Variants in KRR1 observed in about 807,000 individuals in gnomAD.
The protein encoded by KRR1 is KRR1 small subunit processome component homolog.
A neutral mutation model predicts 50.0 loss-of-function variants in KRR1; 23 were observed. The observed-to-expected ratio is 0.46, with a 90% CI of 0.33 to 0.65. The LOEUF (loss-of-function observed/expected upper bound fraction) is 0.65. KRR1 is among the 30% of genes least tolerant of loss of function. The pLI, the probability that KRR1 is intolerant of heterozygous loss-of-function variation, is 0.02. For missense variants in KRR1, 419 were observed against 442.4 expected, an observed-to-expected ratio of 0.95 and a Z score of 0.47; for synonymous variants, 133 against 146.3, an observed-to-expected ratio of 0.91 and a Z score of 0.66.
chr12:75,502,296 T>G (rs116960901), intron 7 of KRR1: 2 of 251,072 alleles, frequency 8.0e-6, no homozygotes, highest in Non-Finnish European at 1.5e-5. Flanking sequence ...TGGGGAAAAT[T>G]TGAAGAAGCT....
intron 7 of KRR1, 167 bp from the exon 8 acceptor site, chr12:75,502,167 A>C: frequency 1.7e-6 from 1 of 587,810 alleles, no homozygotes. Flanking sequence ...GGGAATACAT[A>C]CACAAAAGTG....
chr12:75,510,295 A>G (rs1736356095), intron 1 of KRR1, among the ~76,000 whole-genome samples: 1 of 152,218 alleles, frequency 6.6e-6, no homozygotes, highest in Non-Finnish European at 1.5e-5. Context: ...ACCTAGAGAA[A>G]CCCTTGAACA....
At chr12:75,500,165 A>ATACTT in intron 9 of KRR1, 1 of 354,920 alleles carries the variant, frequency 2.8e-6, no homozygotes, top group South Asian at 6.1e-5. Context: ...AAATCATAAA[A>ATACTT]TACTTTATAT....
rs2046338026 is a variant in KRR1 at position 75,494,217 on chromosome 12, C to T, written c.*5592G>A. The T allele has an allele frequency of 6.6e-6, 1 of 152,162 alleles. No individual in the cohort carries two copies. The highest frequency in any genetic ancestry group is 2.4e-5 in the African/African-American group (1 of 41,436). 9.4% of individuals were successfully genotyped at this position (152,162 alleles called of 1,614,324 possible). A position where few individuals can be genotyped will look rare whatever the true frequency, so the allele number is the denominator to read the frequency against. On this transcript the variant is annotated 3_prime_UTR_variant, in exon 10 of 10. Transcript: ENST00000229214. Reference sequence around the variant, plus strand: ...GTGTGTCTAAGGTGAGAGTTCTCAACTTTGGAGGTAATTGTAGAGTGCTGG... The same window carrying T: ...GTGTGTCTAAGGTGAGAGTTCTCAATTTTGGAGGTAATTGTAGAGTGCTGG...
Position 75,499,389 on chromosome 12 carries a change from T to A in KRR1, c.*420A>T, listed in dbSNP as rs1218278999. 6.2e-6 allele frequency: 1 copy of A among 161,196 alleles called. No individual in the cohort carries two copies. Among genetic ancestry groups the A allele is most frequent in the Non-Finnish European group, 1.3e-5 (1 of 74,796 alleles). The allele number at this position is 161,196 out of a possible 1,614,324, so 10.0% of individuals were successfully genotyped here. A position where few individuals can be genotyped will look rare whatever the true frequency, so the allele number is the denominator to read the frequency against. On this transcript the variant is annotated 3_prime_UTR_variant, in exon 10 of 10. Coordinates refer to ENST00000229214, the MANE Select transcript of KRR1 (RefSeq NM_007043.7). ...TTTTTGGTTTACTACTTCCCCAGAT[T>A]CAGAACAGAGGAGTAACTAGGGGAT...
chr12:75,509,586 C>CTTTT (rs895198427), intron 1 of KRR1, among the ~76,000 whole-genome samples: 1 of 131,252 alleles, frequency 7.6e-6, no homozygotes, highest in Non-Finnish European at 1.6e-5. Context: ...ATACACATTT[C>CTTTT]TTTTTTTTTT....
rs1274145757 is a variant in KRR1, at chr12:75,498,045, A to T, written c.*1764T>A. On this transcript the variant is annotated 3_prime_UTR_variant, in exon 10 of 10. Transcript: ENST00000229214. ...TCACCAGTACCCAGAGGACCAGATG[A>T]TTGATGGGTTCTACCACGAGCATCT... 1.3e-5 allele frequency: 2 copies of T among 152,290 alleles called. No individual in the cohort carries two copies. The highest frequency in any genetic ancestry group is 2.9e-5 in the Non-Finnish European group (2 of 68,114). 9.4% of individuals were successfully genotyped at this position (152,290 alleles called of 1,614,324 possible).
chr12:75,504,337 TA>T, intron 6 of KRR1: 1 of 228,566 alleles, frequency 4.4e-6, no homozygotes, highest in Non-Finnish European at 8.5e-6. Flanking sequence ...ATTATTTCAT[TA>T]AAACATTTAA....
Position 75,509,988 on chromosome 12 carries a change from A to G in KRR1, c.85+1525T>C, listed in dbSNP as rs763003341. Reference sequence around the variant, plus strand: ...TCCCCACTACAACCTCAGGAAAAAAACTGACAAAAGAAATACTCAGGAGTT... The same window carrying G: ...TCCCCACTACAACCTCAGGAAAAAAGCTGACAAAAGAAATACTCAGGAGTT... On this transcript the variant is annotated intron_variant, in intron 1 of 9. Coordinates refer to ENST00000229214, the MANE Select transcript of KRR1 (RefSeq NM_007043.7). Among the ~76,000 whole-genome samples, 12 of 152,238 alleles carry G rather than the reference A, an allele frequency of 7.9e-5. No homozygotes were observed. In the South Asian group the frequency reaches 8.3e-4, roughly 11 times the overall value.
Position 75,493,281 on chromosome 12 carries a change from GTCC to G in KRR1, c.*6525_*6527del, listed in dbSNP as rs1487550114. 4 of 152,166 alleles carry G rather than the reference GTCC, an allele frequency of 2.6e-5. No homozygotes were observed. The highest frequency in any genetic ancestry group is 4.4e-5 in the Non-Finnish European group (3 of 68,032). 9.4% of individuals were successfully genotyped at this position (152,166 alleles called of 1,614,324 possible). On this transcript the variant is annotated 3_prime_UTR_variant, in exon 10 of 10. Coordinates refer to ENST00000229214, the MANE Select transcript of KRR1 (RefSeq NM_007043.7). ...TAAAACAGAGAGACCAGTTAGGAAT[GTCC>G]TCATTTCCCTTTGCCCTCTGCCCTC...
At chr12:75,504,253 G>C in intron 6 of KRR1, 179 bp from the exon 7 acceptor site, 1 of 391,538 alleles carries the variant, frequency 2.6e-6, no homozygotes. Context: ...ATAATTATTA[G>C]AAAACCATTA....
rs778032105 is a variant in KRR1, at chr12:75,501,903, C to T, written c.909+20G>A. 1.1e-5 allele frequency: 17 copies of T among 1,605,608 alleles called. No homozygotes were observed. The South Asian group carries it at 1.3e-4, about 12-fold the overall frequency. On this transcript the variant is annotated intron_variant, in intron 8 of 9. Transcript: ENST00000229214. ...CTATGAACTTTGCTATTCATGTGAG[C>T]CAGACATAAAGTGCCGTACCTTTAT... is the stretch of plus-strand genomic sequence containing the variant.
In KRR1 at chr12:75,499,226, CTTCTAA is replaced by C. The variant is rs1365918707; in HGVS notation, c.*577_*582del. 2 of 307,032 alleles carry C rather than the reference CTTCTAA, an allele frequency of 6.5e-6. No individual in the cohort carries two copies. Among genetic ancestry groups the C allele is most frequent in the Non-Finnish European group, 1.2e-5 (2 of 168,812 alleles). The allele number at this position is 307,032 out of a possible 1,614,324, so 19.0% of individuals were successfully genotyped here. A position where few individuals can be genotyped will look rare whatever the true frequency, so the allele number is the denominator to read the frequency against. On this transcript the variant is annotated 3_prime_UTR_variant, in exon 10 of 10. Transcript: ENST00000229214. ...GTAAGTAACCTAACCCATGTTTCAG[CTTCTAA>C]ATCTGCAAAATGAGCAAGGTACAGT... is the stretch of plus-strand genomic sequence containing the variant.
In KRR1 at chr12:75,501,776, C is replaced by A. The variant is rs758729953; in HGVS notation, c.950G>T (p.Arg317Ile). Residue 317 changes from arginine (R) to isoleucine (I), a missense_variant, in exon 9 of 10, where the codon AGA (arginine) becomes ATA (isoleucine). By Grantham distance (97) the Arg-to-Ile change is moderately conservative. Coordinates refer to ENST00000229214, the MANE Select transcript of KRR1 (RefSeq NM_007043.7). ...AEAISKRQEE[R>I]NKAFIPPKEK... Reference sequence around the variant, plus strand: ...CTTAGGTGGAATAAATGCTTTGTTTCTTTCCTCTTGTCTCTTACTGATGGC... The same window carrying A: ...CTTAGGTGGAATAAATGCTTTGTTTATTTCCTCTTGTCTCTTACTGATGGC... 8 of 1,610,956 alleles carry A rather than the reference C, an allele frequency of 5.0e-6. No individual in the cohort carries two copies. The South Asian group carries it at 8.8e-5, about 18-fold the overall frequency.
rs112234786 is a variant in KRR1 at position 75,506,457 on chromosome 12, T to A, written c.519+27A>T. On this transcript the variant is annotated intron_variant, in intron 4 of 9. Transcript: ENST00000229214. ...TCTGAAAAAGTATTAAGGAAGAGAC[T>A]CAAGTTTTCCACTAATTAAAAAATA... The A allele has an allele frequency of 3.7e-6, 6 of 1,604,656 alleles. No homozygotes were observed. In the African/African-American group the frequency reaches 8.1e-5, roughly 22 times the overall value.
intron 1 of KRR1, 88 bp from the exon 2 acceptor site, chr12:75,508,534 G>T: frequency 1.1e-6 from 1 of 926,078 alleles, no homozygotes; most frequent in Non-Finnish European, 1.6e-6. Flanking sequence ...GACACTTTAT[G>T]AACATCCTAT....
chr12:75,499,764 T>G lies in KRR1; in HGVS notation c.*45A>C, dbSNP rs1482180616. The G allele has an allele frequency of 6.8e-7, 1 of 1,471,040 alleles. No individual in the cohort carries two copies. The highest frequency in any genetic ancestry group is 9.1e-7 in the Non-Finnish European group (1 of 1,098,088). The allele number at this position is 1,471,040 out of a possible 1,614,324, so 91.1% of individuals were successfully genotyped here. A position where few individuals can be genotyped will look rare whatever the true frequency, so the allele number is the denominator to read the frequency against. On this transcript the variant is annotated 3_prime_UTR_variant, in exon 10 of 10. Transcript: ENST00000229214. ...GCAACTAATGCCTGATATCTCAAAA[T>G]CCTTTACAAAAGGAGATAGTTCTAG...
chr12:75,499,801 T>G lies in KRR1; in HGVS notation c.*8A>C, dbSNP rs780825933. 1 of 1,592,772 alleles carries G rather than the reference T, an allele frequency of 6.3e-7. No homozygotes were observed. The highest frequency in any genetic ancestry group is 8.5e-7 in the Non-Finnish European group (1 of 1,171,854). On this transcript the variant is annotated 3_prime_UTR_variant, in exon 10 of 10. Coordinates refer to ENST00000229214, the MANE Select transcript of KRR1 (RefSeq NM_007043.7). ...GGAGATAGTTCTAGTCAAGGAGTTTTGGGTATGTTACTTTTTTTTCTTCTT... is the reference window on the plus strand; with the variant it reads ...GGAGATAGTTCTAGTCAAGGAGTTTGGGGTATGTTACTTTTTTTTCTTCTT...
In KRR1 at chr12:75,495,835, A is replaced by C; in HGVS notation, c.*3974T>G. ...CTAGGAATACATTTAAGAGAAATTT[A>C]AATGTGAAAATCACGTTCTTTTTAT... On this transcript the variant is annotated 3_prime_UTR_variant, in exon 10 of 10. Coordinates refer to ENST00000229214, the MANE Select transcript of KRR1 (RefSeq NM_007043.7). The C allele has an allele frequency of 2.3e-6, 1 of 437,756 alleles. No homozygotes were observed. The highest frequency in any genetic ancestry group is 4.2e-6 in the Non-Finnish European group (1 of 239,620). 27.1% of individuals were successfully genotyped at this position (437,756 alleles called of 1,614,324 possible). A position where few individuals can be genotyped will look rare whatever the true frequency, so the allele number is the denominator to read the frequency against.
Sources: allele counts gnomAD v4.1 joint callset (sites outside exome capture counted in the v4.1 genomes callset), GRCh38; gene constraint gnomAD v4.1.1; transcripts MANE v1.5; gene names NCBI Gene and HGNC (gene_info 2026-07-23, HGNC 2026-07-21).